The following NEK6 variants were observed in gnomAD, a reference collection of about 807,000 sequenced individuals.
NEK6 encodes NIMA related kinase 6.
In NEK6, 27 loss-of-function variants were observed where a neutral mutation model predicts 43.5. The ratio of observed to expected loss-of-function variants is 0.62; its 90% confidence interval spans 0.46 to 0.86. The LOEUF is 0.86. NEK6 is among the 40% of genes least tolerant of loss of function. The pLI, the probability that NEK6 is intolerant of heterozygous loss-of-function variation, is 0.00. For missense variants in NEK6, 318 were observed against 414.4 expected (o/e 0.77, Z 2.02); for synonymous variants, 167 against 164.1 (o/e 1.02, Z -0.14).
intron 1 of NEK6, among the ~76,000 whole-genome samples, chr9:124,284,686 G>A (rs1005603128): frequency 3.3e-5 from 5 of 152,220 alleles, no homozygotes; most frequent in African/African-American, 9.6e-5. Flanking sequence ...GAATTCTCCG[G>A]ACGCCTGTGG....
intron 1 of NEK6, among the ~76,000 whole-genome samples, chr9:124,283,130 C>T (rs1057024646): frequency 6.6e-6 from 1 of 152,256 alleles, no homozygotes; most frequent in Non-Finnish European, 1.5e-5. Flanking sequence ...CCTGCTGAGC[C>T]CCACTTCTCT....
intron 1 of NEK6, among the ~76,000 whole-genome samples, chr9:124,294,456 C>T (rs922170738): frequency 6.6e-6 from 1 of 150,966 alleles, no homozygotes; most frequent in Non-Finnish European, 1.5e-5. Context: ...CGCGCCATTG[C>T]ACTCAAGCCT....
intron 1 of NEK6, among the ~76,000 whole-genome samples, chr9:124,290,474 A>T (rs1410015438): frequency 6.6e-6 from 1 of 152,220 alleles, no homozygotes; most frequent in Non-Finnish European, 1.5e-5. Context: ...CGGTGCCAGG[A>T]TCTCACTCAC....
intron 7 of NEK6, among the ~76,000 whole-genome samples, chr9:124,337,600 C>A (rs934157729): frequency 6.6e-6 from 1 of 152,208 alleles, no homozygotes; most frequent in African/African-American, 2.4e-5. Flanking sequence ...GAGATTTGTT[C>A]TTTTGCAGTG....
At chr9:124,260,904 A>G (rs1424160586) in intron 1 of NEK6, among the ~76,000 whole-genome samples, 1 of 152,224 alleles carries the variant, frequency 6.6e-6, no homozygotes, top group Non-Finnish European at 1.5e-5. Flanking sequence ...GTCTGAGCAG[A>G]GCCCATGGTC....
At chr9:124,308,016 A>G (rs1254901766) in intron 2 of NEK6, among the ~76,000 whole-genome samples, 1 of 152,214 alleles carries the variant, frequency 6.6e-6, no homozygotes, top group Non-Finnish European at 1.5e-5. Context: ...CGACTGGAGA[A>G]TGACATGTCC....
chr9:124,349,295 C>G (rs1830125210), intron 9 of NEK6, among the ~76,000 whole-genome samples: 1 of 152,236 alleles, frequency 6.6e-6, no homozygotes, highest in Non-Finnish European at 1.5e-5. Flanking sequence ...TTTCCTTTCT[C>G]ATCTTCTGAA....
chr9:124,332,348 A>G (rs1829044047), intron 7 of NEK6, among the ~76,000 whole-genome samples: 1 of 152,104 alleles, frequency 6.6e-6, no homozygotes, highest in South Asian at 2.1e-4. Context: ...GAGGGAAACC[A>G]AGTCTGCAGA....
chr9:124,345,908 T>C (rs959977305), intron 8 of NEK6, among the ~76,000 whole-genome samples: 4 of 152,156 alleles, frequency 2.6e-5, no homozygotes, highest in African/African-American at 9.7e-5. Context: ...GGGTGGTGCA[T>C]TTGGCAGGCT....
intron 1 of NEK6, among the ~76,000 whole-genome samples, chr9:124,288,235 T>C (rs1832247959): frequency 6.6e-6 from 1 of 152,192 alleles, no homozygotes; most frequent in Non-Finnish European, 1.5e-5. Flanking sequence ...TTGTTTATGA[T>C]AACAGGAATC....
intron 1 of NEK6, among the ~76,000 whole-genome samples, chr9:124,283,727 G>T (rs1199027447): frequency 6.6e-6 from 1 of 152,178 alleles, no homozygotes; most frequent in Non-Finnish European, 1.5e-5. Context: ...TCACCTTTAG[G>T]CCTTTGCACG....
chr9:124,270,104 G>T (rs532016494), intron 1 of NEK6, among the ~76,000 whole-genome samples: 6 of 152,004 alleles, frequency 3.9e-5, no homozygotes, highest in Non-Finnish European at 8.8e-5. Flanking sequence ...GCTTGCCACT[G>T]AGTGCTCCAT....
chr9:124,284,984 C>T (rs533018194), intron 1 of NEK6, among the ~76,000 whole-genome samples: 1 of 152,198 alleles, frequency 6.6e-6, no homozygotes, highest in African/African-American at 2.4e-5. Flanking sequence ...GTAGGTGCCA[C>T]GGAGTAGTGG....
At chr9:124,325,009 T>A (rs1277942732) in intron 5 of NEK6, among the ~76,000 whole-genome samples, 4 of 152,076 alleles carry the variant, frequency 2.6e-5, no homozygotes, top group African/African-American at 9.7e-5. Flanking sequence ...ACCCCATCTC[T>A]ACTAAAAATA....
intron 1 of NEK6, among the ~76,000 whole-genome samples, chr9:124,261,992 G>T (rs1335031657): frequency 1.3e-5 from 2 of 151,172 alleles, no homozygotes; most frequent in Non-Finnish European, 2.9e-5. Flanking sequence ...TTAGGAAGTG[G>T]TGTGCACATG....
intron 1 of NEK6, among the ~76,000 whole-genome samples, chr9:124,276,668 A>G (rs974300911): frequency 6.6e-6 from 1 of 152,250 alleles, no homozygotes; most frequent in Non-Finnish European, 1.5e-5. Context: ...ACAGTATGTT[A>G]TTATTGATAT....
intron 1 of NEK6, among the ~76,000 whole-genome samples, chr9:124,288,109 C>G (rs1162060175): frequency 6.6e-6 from 1 of 152,256 alleles, no homozygotes; most frequent in Admixed American, 6.5e-5. Flanking sequence ...AGGCCCTGGA[C>G]ACCTCCTTCC....
chr9:124,265,233 A>T (rs866921713), intron 1 of NEK6, among the ~76,000 whole-genome samples: 4 of 152,212 alleles, frequency 2.6e-5, no homozygotes, highest in African/African-American at 9.6e-5. Flanking sequence ...TGTTAAACAT[A>T]AAAGTTTTGG....
At position 124,327,361 on chromosome 9, in the gene NEK6, A is replaced by G. The variant is rs1834397082; in HGVS notation, c.538A>G (p.Ile180Val). The G allele has an allele frequency of 6.2e-7, 1 of 1,613,862 alleles. No homozygotes were observed. The highest frequency in any genetic ancestry group is 8.5e-7 in the Non-Finnish European group (1 of 1,179,976). Residue 180 changes from isoleucine (I) to valine (V), a missense_variant, in exon 7 of 10, where the codon ATC (isoleucine) becomes GTC (valine). By Grantham distance (29) the Ile-to-Val change is conservative (BLOSUM62 3). Coordinates refer to ENST00000320246, the MANE Select transcript of NEK6 (RefSeq NM_014397.6). ...AGACATCAAGCCTGCCAACGTGTTC[A>G]TCACAGCCACGGGCGTCGTGAAGCT... ...HRDIKPANVF[I>V]TATGVVKLGD...
Sources: gnomAD v4.1 joint callset for allele counts (sites outside exome capture counted in the v4.1 genomes callset) on GRCh38, gnomAD v4.1.1 for gene constraint, MANE v1.5 for transcripts, NCBI Gene and HGNC (gene_info 2026-07-23, HGNC 2026-07-21) for gene names.